PSMB9: variants seen among roughly 807,000 people sequenced by gnomAD.
PSMB9 encodes proteasome subunit beta type-9.
PSMB9 carries 16 observed loss-of-function variants against 26.9 expected under a neutral mutation model. The observed-to-expected ratio is 0.59, with a 90% CI of 0.40 to 0.90. The LOEUF (loss-of-function observed/expected upper bound fraction) is 0.90. Ranked by LOEUF, PSMB9 falls within the 40% of genes least tolerant of loss-of-function variation. PSMB9 has a pLI of 0.00. For missense variants in PSMB9, 253 were observed against 292.2 expected, an observed-to-expected ratio of 0.87 and a Z score of 0.98; for synonymous variants, 91 against 112.0, an observed-to-expected ratio of 0.81 and a Z score of 1.18.
chr6:32,856,140 C>A lies in PSMB9; in HGVS notation c.63C>A (p.Thr21=). 1 of 1,612,724 alleles carries A rather than the reference C, an allele frequency of 6.2e-7. No homozygotes were observed. Among genetic ancestry groups the A allele is most frequent in the Non-Finnish European group, 8.5e-7 (1 of 1,179,710 alleles). ...LPRAGEVHTG[T]TIMAVEFDGG... ...TTCCATATTCTGTGTCTCTGCAGAC[C>A]ACCATCATGGCAGTGGAGTTTGACG... Residue 21 remains threonine (T), a splice_region_variant and synonymous_variant, in exon 2 of 6, where the codon ACC becomes ACA. Coordinates refer to ENST00000374859, the MANE Select transcript of PSMB9 (RefSeq NM_002800.5).
chr6:32,856,225 T>C lies in PSMB9; in HGVS notation c.128+20T>C, dbSNP rs1771154187. 2 of 1,606,406 alleles carry C rather than the reference T, an allele frequency of 1.2e-6. No homozygotes were observed. Among genetic ancestry groups the C allele is most frequent in the African/African-American group, 2.7e-5 (2 of 74,706 alleles). Reference sequence around the variant, plus strand: ...TGCAGGGTGAGTAAAAGTGAAGATGTATGCATTTGGAAAGAAGCTAATGGC... The same window carrying C: ...TGCAGGGTGAGTAAAAGTGAAGATGCATGCATTTGGAAAGAAGCTAATGGC... On this transcript the variant is annotated intron_variant, in intron 2 of 5. Coordinates refer to ENST00000374859, the MANE Select transcript of PSMB9 (RefSeq NM_002800.5).
At chr6:32,855,602 A>T (rs1771120949) in intron 1 of PSMB9, among the ~76,000 whole-genome samples, 1 of 152,086 alleles carries the variant, frequency 6.6e-6, no homozygotes, top group African/African-American at 2.4e-5. Context: ...GGCCATGCTA[A>T]CCACTGCCCT....
Position 32,857,521 on chromosome 6 carries a change from T to G in PSMB9, c.260+127T>G, listed in dbSNP as rs892875229. On this transcript the variant is annotated intron_variant, in intron 3 of 5. Transcript: ENST00000374859. ...GGAAAAGTCTTGTTTCGGCTCTTGC[T>G]GGCACTTGAATCTGTCAGTTTCTGC... The G allele has an allele frequency of 2.3e-5, 28 of 1,213,480 alleles. No homozygotes were observed. In the Middle Eastern group the frequency reaches 8.7e-4, roughly 38 times the overall value. The allele number at this position is 1,213,480 out of a possible 1,614,324, so 75.2% of individuals were successfully genotyped here. A position where few individuals can be genotyped will look rare whatever the true frequency, so the allele number is the denominator to read the frequency against.
intron 3 of PSMB9, chr6:32,857,612 T>C: frequency 1.8e-6 from 1 of 549,680 alleles, no homozygotes; most frequent in Non-Finnish European, 3.1e-6. Context: ...ATTCTATATG[T>C]GAACACAGTT....
chr6:32,859,055 A>AC (rs9282319), intron 5 of PSMB9, among the ~76,000 whole-genome samples: 2,740 of 61,784 alleles, frequency 0.044, 26 homozygotes, highest in Middle Eastern at 0.065. Flanking sequence ...CTGTCTGGAG[A>AC]AAAAAAAAAA....
rs1207921117 is a variant in PSMB9, at chr6:32,854,311, G to T, written c.60+22G>T. ...CGGGGTAATGGGTCTGGGCTTGAGG[G>T]TTGGCAGAGGGGTGGAGGAGATGCA... On this transcript the variant is annotated intron_variant, in intron 1 of 5. Coordinates refer to ENST00000374859, the MANE Select transcript of PSMB9 (RefSeq NM_002800.5). The surrounding 1 kb of genome is among the most constrained non-coding windows in gnomAD (Gnocchi z 4.6). 7.6e-5 allele frequency: 111 copies of T among 1,466,174 alleles called. No homozygotes were observed. Among genetic ancestry groups the T allele is most frequent in the Non-Finnish European group, 9.7e-5 (108 of 1,110,464 alleles). The allele number at this position is 1,466,174 out of a possible 1,614,324, so 90.8% of individuals were successfully genotyped here. A position where few individuals can be genotyped will look rare whatever the true frequency, so the allele number is the denominator to read the frequency against.
At position 32,854,297 on chromosome 6, in the gene PSMB9, G is replaced by A. The variant is rs749585643; in HGVS notation, c.60+8G>A. The A allele has an allele frequency of 3.5e-5, 52 of 1,489,066 alleles. No individual in the cohort carries two copies. The highest frequency in any genetic ancestry group is 4.5e-5 in the Non-Finnish European group (51 of 1,122,556). The allele number at this position is 1,489,066 out of a possible 1,614,324, so 92.2% of individuals were successfully genotyped here. ...GGAGAAGTCCACACCGGGGTAATGG[G>A]TCTGGGCTTGAGGGTTGGCAGAGGG... is the stretch of plus-strand genomic sequence containing the variant. On this transcript the variant is annotated splice_region_variant and intron_variant, in intron 1 of 5. Coordinates refer to ENST00000374859, the MANE Select transcript of PSMB9 (RefSeq NM_002800.5). This position sits in a 1 kb window ranked among gnomAD's most constrained non-coding sequence, Gnocchi z 4.6.
Position 32,858,761 on chromosome 6 carries a change from A to T in PSMB9, c.532+256A>T. ...TGTGAGAACCAGTGGTGTGCTAAGC[A>T]CAGTGGCTCACACCTGTAATGCCAA... On this transcript the variant is annotated intron_variant, in intron 5 of 5. Coordinates refer to ENST00000374859, the MANE Select transcript of PSMB9 (RefSeq NM_002800.5). This position sits in a 1 kb window ranked among gnomAD's most constrained non-coding sequence, Gnocchi z 5.2. The T allele has an allele frequency of 1.8e-6, 1 of 567,400 alleles. No individual in the cohort carries two copies. The highest frequency in any genetic ancestry group is 3.1e-6 in the Non-Finnish European group (1 of 317,826). The allele number at this position is 567,400 out of a possible 1,614,324, so 35.1% of individuals were successfully genotyped here. A position where few individuals can be genotyped will look rare whatever the true frequency, so the allele number is the denominator to read the frequency against.
At position 32,858,277 on chromosome 6, in the gene PSMB9, G is replaced by C; in HGVS notation, c.391-87G>C. 2 of 1,601,940 alleles carry C rather than the reference G, an allele frequency of 1.2e-6. No individual in the cohort carries two copies. The highest frequency in any genetic ancestry group is 1.7e-6 in the Non-Finnish European group (2 of 1,172,136). The stretch of plus-strand genomic sequence containing the variant: ...TACTTTGGGGATATGAGATACCAGG[G>C]CTTCATTGCAGGGTGCAGAGACCAC... On this transcript the variant is annotated intron_variant, in intron 4 of 5. Coordinates refer to ENST00000374859, the MANE Select transcript of PSMB9 (RefSeq NM_002800.5). This position sits in a 1 kb window ranked among gnomAD's most constrained non-coding sequence, Gnocchi z 5.2.
chr6:32,858,237 C>T lies in PSMB9; in HGVS notation c.390+103C>T. 6.3e-7 allele frequency: 1 copy of T among 1,592,138 alleles called. No homozygotes were observed. Among genetic ancestry groups the T allele is most frequent in the Admixed American group, 1.7e-5 (1 of 58,872 alleles). ...CTAGCAATGAGTTCCAAGGACACTA[C>T]CTCTGAAAGCATAGTACTTTGGGGA... On this transcript the variant is annotated intron_variant, in intron 4 of 5. Coordinates refer to ENST00000374859, the MANE Select transcript of PSMB9 (RefSeq NM_002800.5). The surrounding 1 kb of genome is among the most constrained non-coding windows in gnomAD (Gnocchi z 5.2).
At position 32,858,526 on chromosome 6, in the gene PSMB9, GTACC is replaced by G. The variant is rs755263423; in HGVS notation, c.532+23_532+26del. 3 of 1,612,766 alleles carry G rather than the reference GTACC, an allele frequency of 1.9e-6. No individual in the cohort carries two copies. The African/African-American group carries it at 4.0e-5, about 22-fold the overall frequency. On this transcript the variant is annotated intron_variant, in intron 5 of 5. Transcript: ENST00000374859. The surrounding 1 kb of genome is among the most constrained non-coding windows in gnomAD (Gnocchi z 5.2). ...AGACGGTAACCAGCCAAGTGGAAGG[GTACC>G]TGGGGAGGGCTTTGAAACATGGGAA... is the stretch of plus-strand genomic sequence containing the variant.
intron 2 of PSMB9, 180 bp downstream of exon 2, chr6:32,856,385 G>T: frequency 1.6e-6 from 1 of 624,348 alleles, no homozygotes; most frequent in Non-Finnish European, 2.8e-6. Context: ...ATTTGTGGAG[G>T]AGGATCTGGG....
In PSMB9 at chr6:32,858,645, G is replaced by A. The variant is rs1771284554; in HGVS notation, c.532+140G>A. On this transcript the variant is annotated intron_variant, in intron 5 of 5. Transcript: ENST00000374859. The surrounding 1 kb of genome is among the most constrained non-coding windows in gnomAD (Gnocchi z 5.2). Reference sequence around the variant, plus strand: ...TGGTACACTTTTAAGAGTGAAAAGGGGCAGGACAAATGCAAAGCTCAATGG... The same window carrying A: ...TGGTACACTTTTAAGAGTGAAAAGGAGCAGGACAAATGCAAAGCTCAATGG... The A allele has an allele frequency of 8.6e-7, 1 of 1,158,646 alleles. No homozygotes were observed. The highest frequency in any genetic ancestry group is 1.2e-6 in the Non-Finnish European group (1 of 802,020). 71.8% of individuals were successfully genotyped at this position (1,158,646 alleles called of 1,614,324 possible). A position where few individuals can be genotyped will look rare whatever the true frequency, so the allele number is the denominator to read the frequency against.
At chr6:32,856,985 A>G in intron 2 of PSMB9, 1 of 236,762 alleles carries the variant, frequency 4.2e-6, no homozygotes, top group Non-Finnish European at 8.1e-6. Flanking sequence ...CAGATATTTG[A>G]GGTCAGGAGT....
Position 32,854,240 on chromosome 6 carries a change from CG to C in PSMB9, c.14del (p.Gly5GlufsTer29). The C allele has an allele frequency of 6.5e-7, 1 of 1,542,914 alleles. No individual in the cohort carries two copies. The highest frequency in any genetic ancestry group is 8.7e-7 in the Non-Finnish European group (1 of 1,145,252). On this transcript the variant is annotated frameshift_variant, in exon 1 of 6. Coordinates refer to ENST00000374859, the MANE Select transcript of PSMB9 (RefSeq NM_002800.5). LOFTEE classifies it high-confidence loss of function. The surrounding 1 kb of genome is among the most constrained non-coding windows in gnomAD (Gnocchi z 4.6). ...CGGTGCCTTGCAGGGATGCTGCGGG[CG>C]GGAGCACCAACCGGGGACTTACCCC... is the stretch of plus-strand genomic sequence containing the variant. MLR[A>X]GAPTGDLPRA... is the part of the protein sequence containing the mutation.
In PSMB9 at chr6:32,854,330, A is replaced by C; in HGVS notation, c.60+41A>C. ...TTGAGGGTTGGCAGAGGGGTGGAGGAGATGCAGCGGCCAGGGGACCCTGGA... is the reference window on the plus strand; with the variant it reads ...TTGAGGGTTGGCAGAGGGGTGGAGGCGATGCAGCGGCCAGGGGACCCTGGA... On this transcript the variant is annotated intron_variant, in intron 1 of 5. Transcript: ENST00000374859. This position sits in a 1 kb window ranked among gnomAD's most constrained non-coding sequence, Gnocchi z 4.6. The C allele has an allele frequency of 7.0e-7, 1 of 1,436,318 alleles. No individual in the cohort carries two copies. Among genetic ancestry groups the C allele is most frequent in the East Asian group, 2.8e-5 (1 of 36,140 alleles). 89.0% of individuals were successfully genotyped at this position (1,436,318 alleles called of 1,614,324 possible).
chr6:32,858,527 T>C lies in PSMB9; in HGVS notation c.532+22T>C, dbSNP rs1207462415. Reference sequence around the variant, plus strand: ...GACGGTAACCAGCCAAGTGGAAGGGTACCTGGGGAGGGCTTTGAAACATGG... The same window carrying C: ...GACGGTAACCAGCCAAGTGGAAGGGCACCTGGGGAGGGCTTTGAAACATGG... On this transcript the variant is annotated intron_variant, in intron 5 of 5. Transcript: ENST00000374859. This position sits in a 1 kb window ranked among gnomAD's most constrained non-coding sequence, Gnocchi z 5.2. 1.2e-6 allele frequency: 2 copies of C among 1,612,488 alleles called. No individual in the cohort carries two copies. Among genetic ancestry groups the C allele is most frequent in the Non-Finnish European group, 1.7e-6 (2 of 1,179,960 alleles).
chr6:32,854,397 A>T lies in PSMB9; in HGVS notation c.60+108A>T, dbSNP rs1239869691. Reference sequence around the variant, plus strand: ...TGAATGCAGAGACCAACGGGAGCGCAGGGAGGTCGCCTGTAGCAGCCAGCG... The same window carrying T: ...TGAATGCAGAGACCAACGGGAGCGCTGGGAGGTCGCCTGTAGCAGCCAGCG... On this transcript the variant is annotated intron_variant, in intron 1 of 5. Coordinates refer to ENST00000374859, the MANE Select transcript of PSMB9 (RefSeq NM_002800.5). The surrounding 1 kb of genome is among the most constrained non-coding windows in gnomAD (Gnocchi z 4.6). 9.1e-7 allele frequency: 1 copy of T among 1,104,538 alleles called. No individual in the cohort carries two copies. Among genetic ancestry groups the T allele is most frequent in the Non-Finnish European group, 1.2e-6 (1 of 801,478 alleles). The allele number at this position is 1,104,538 out of a possible 1,614,324, so 68.4% of individuals were successfully genotyped here. A position where few individuals can be genotyped will look rare whatever the true frequency, so the allele number is the denominator to read the frequency against.
intron 5 of PSMB9, 124 bp from the exon 6 acceptor site, chr6:32,859,281 C>A: frequency 1.6e-6 from 2 of 1,239,860 alleles, no homozygotes; most frequent in South Asian, 1.7e-5. Flanking sequence ...ACTAAATATG[C>A]CTTCCTGGAA....
Sources: allele counts gnomAD v4.1 joint callset (sites outside exome capture counted in the v4.1 genomes callset), GRCh38; gene constraint gnomAD v4.1.1; non-coding constraint Gnocchi (gnomAD v3.1); transcripts MANE v1.5; gene names NCBI Gene and HGNC (gene_info 2026-07-23, HGNC 2026-07-21).